C2orf81: variants seen among roughly 807,000 people sequenced by gnomAD.
C2orf81 encodes the protein chromosome 2 open reading frame 81.
C2orf81 carries 5 observed loss-of-function variants against 7.9 expected under a neutral mutation model. The ratio of observed to expected loss-of-function variants is 0.63; its 90% CI spans 0.33 to 1.33. The LOEUF (loss-of-function observed/expected upper bound fraction) is 1.33. Among genes scored for constraint, C2orf81 ranks in the 40% most tolerant of loss-of-function variants. The pLI is 0.05. For missense variants in C2orf81, 781 were observed against 830.4 expected (o/e 0.94, Z 0.73); for synonymous variants, 346 against 367.4 (o/e 0.94, Z 0.66).
At position 74,414,513 on chromosome 2, in the gene C2orf81, T is replaced by G; in HGVS notation, c.1664A>C (p.Gln555Pro). The G allele has an allele frequency of 6.5e-7, 1 of 1,547,578 alleles. No homozygotes were observed. Among genetic ancestry groups the G allele is most frequent in the South Asian group, 1.2e-5 (1 of 83,516 alleles). Reference protein sequence around the residue: ...TTPPVLEATSQVMWKPVLLPE... With the variant: ...TTPPVLEATSPVMWKPVLLPE... Reference sequence around the variant, plus strand: ...CAGCAACACGGGCTTCCACATCACCTGGGAAGTGGCTTCAAGGACCGGGGG... The same window carrying G: ...CAGCAACACGGGCTTCCACATCACCGGGGAAGTGGCTTCAAGGACCGGGGG... The change falls in exon 3 of 3, where the codon CAG (glutamine) becomes CCG (proline). Residue 555 changes from glutamine to proline, a missense_variant. Gln to Pro is a moderately conservative substitution (Grantham distance 76). Transcript: ENST00000684111. This position sits in a 1 kb window ranked among gnomAD's most constrained non-coding sequence, Gnocchi z 5.3.
In C2orf81 at chr2:74,415,756, CG is replaced by C; in HGVS notation, c.420del (p.Val141CysfsTer56). ...CCCTCCGAGGTGGACGCGTGCAGCA[CG>C]GGCACTGAACCCTGAGCCCAGGAGT... ...TTDSWAQGSV[P>X]VLHASTSEGL... On this transcript the variant is annotated frameshift_variant, in exon 3 of 3. Coordinates refer to ENST00000684111, the MANE Select transcript of C2orf81 (RefSeq NM_001316764.3). LOFTEE classifies it low-confidence loss of function (END_TRUNC). The surrounding 1 kb of genome is among the most constrained non-coding windows in gnomAD (Gnocchi z 5.5). 6.4e-7 allele frequency: 1 copy of C among 1,551,610 alleles called. No homozygotes were observed. The highest frequency in any genetic ancestry group is 2.4e-5 in the East Asian group (1 of 40,920).
Position 74,417,216 on chromosome 2 carries a change from T to TG in C2orf81, c.19-976dup, listed in dbSNP as rs897205189. ...ACAAAGGAAAAATGGAACCAGAACC[T>TG]GGGGGGGTGGCAGGAGCAGGAGGGC... On this transcript the variant is annotated intron_variant, in intron 1 of 2. Transcript: ENST00000684111. Among the ~76,000 whole-genome samples, 14 of 152,162 alleles carry TG rather than the reference T, an allele frequency of 9.2e-5. No homozygotes were observed. The East Asian group carries it at 1.2e-3, about 13-fold the overall frequency.
In C2orf81 at chr2:74,414,819, A is replaced by G. The variant is rs1676395362; in HGVS notation, c.1358T>C (p.Leu453Pro). 1 of 1,551,522 alleles carries G rather than the reference A, an allele frequency of 6.4e-7. No homozygotes were observed. Among genetic ancestry groups the G allele is most frequent in the Non-Finnish European group, 8.7e-7 (1 of 1,146,852 alleles). ...FRDLDSGPALLFPTLNLGLSS... is the reference protein window; with the variant it reads ...FRDLDSGPALPFPTLNLGLSS... ...TAGGCCTAAATTTAAAGTGGGGAAC[A>G]GGAGTGCGGGGCCCGAGTCCAAGTC... is the stretch of plus-strand genomic sequence containing the variant. The change falls in exon 3 of 3, where the codon CTG becomes CCG. Residue 453 changes from leucine to proline, a missense_variant. Transcript: ENST00000684111. The surrounding 1 kb of genome is among the most constrained non-coding windows in gnomAD (Gnocchi z 5.3).
Position 74,415,679 on chromosome 2 carries a change from GGAGTCC to G in C2orf81, c.492_497del (p.Asp165_Ser166del). 1.9e-6 allele frequency: 3 copies of G among 1,551,388 alleles called. No individual in the cohort carries two copies. The highest frequency in any genetic ancestry group is 2.6e-6 in the Non-Finnish European group (3 of 1,147,006). The stretch of plus-strand genomic sequence containing the variant: ...AGGGGAGAGCAGGAGCAATGGCAGA[GGAGTCC>G]GGAGAGGCTCCTGAGGAGTGTACTT... On this transcript the variant is annotated inframe_deletion, in exon 3 of 3. Transcript: ENST00000684111. This position sits in a 1 kb window ranked among gnomAD's most constrained non-coding sequence, Gnocchi z 5.5.
chr2:74,417,006 C>A (rs114666384), intron 1 of C2orf81, among the ~76,000 whole-genome samples: 1 of 152,168 alleles, frequency 6.6e-6, no homozygotes, highest in African/African-American at 2.4e-5. Context: ...GGGGAGTAGT[C>A]AGTCACCCAG....
At chr2:74,419,033 T>A (rs891623539) in intron 1 of C2orf81, among the ~76,000 whole-genome samples, 1 of 151,828 alleles carries the variant, frequency 6.6e-6, no homozygotes, top group African/African-American at 2.4e-5. Flanking sequence ...ATACAAAAAT[T>A]AGCCAGGCAT....
In C2orf81 at chr2:74,415,787, C is replaced by T. The variant is rs984356650; in HGVS notation, c.390G>A (p.Thr130=). Residue 130 remains threonine (T), a synonymous_variant, in exon 3 of 3, where the codon ACG becomes ACA. Transcript: ENST00000684111. The surrounding 1 kb of genome is among the most constrained non-coding windows in gnomAD (Gnocchi z 5.5). ...CTGAACCCTGAGCCCAGGAGTCCGT[C>T]GTGCATGCCGAAGGCTCCTCGTCCT... ...WGEDEEPSAC[T]TDSWAQGSVP... 6 of 1,551,642 alleles carry T rather than the reference C, an allele frequency of 3.9e-6. No individual in the cohort carries two copies. Among genetic ancestry groups the T allele is most frequent in the Non-Finnish European group, 5.2e-6 (6 of 1,147,018 alleles).
In C2orf81 at chr2:74,415,633, T is replaced by A. The variant is rs1402216841; in HGVS notation, c.544A>T (p.Ser182Cys). 1.9e-6 allele frequency: 3 copies of A among 1,550,958 alleles called. No homozygotes were observed. The highest frequency in any genetic ancestry group is 2.6e-6 in the Non-Finnish European group (3 of 1,146,988). The change falls in exon 3 of 3, where the codon AGT (serine) becomes TGT (cysteine). Residue 182 changes from serine to cysteine, a missense_variant. Physicochemically the swap from Ser to Cys is moderately radical, Grantham distance 112. Transcript: ENST00000684111. This position sits in a 1 kb window ranked among gnomAD's most constrained non-coding sequence, Gnocchi z 5.5. ...ALPFPTSHCP[S>C]AFPQDPGGVD... ...CCCCCAGGGTCCTGGGGAAATGCAC[T>A]CGGGCAGTGAGATGTCGGAAAGGGG...
Position 74,415,109 on chromosome 2 carries a change from C to T in C2orf81, c.1068G>A (p.Ser356=). The T allele has an allele frequency of 1.3e-6, 2 of 1,521,318 alleles. No homozygotes were observed. The highest frequency in any genetic ancestry group is 5.5e-5 in the East Asian group (2 of 36,202). The allele number at this position is 1,521,318 out of a possible 1,614,324, so 94.2% of individuals were successfully genotyped here. A position where few individuals can be genotyped will look rare whatever the true frequency, so the allele number is the denominator to read the frequency against. The change falls in exon 3 of 3, where the codon TCG becomes TCA. Residue 356 remains serine (S), a synonymous_variant. Coordinates refer to ENST00000684111, the MANE Select transcript of C2orf81 (RefSeq NM_001316764.3). The surrounding 1 kb of genome is among the most constrained non-coding windows in gnomAD (Gnocchi z 5.5). ...ASCQQQRAGH[S]DVRLSAHHHR... is the part of the protein sequence containing the mutation. ...GGTGGTGGGCGCTCAGCCGCACATC[C>T]GAGTGCCCGGCCCGCTGCTGCTGGC...
chr2:74,420,929 G>A (rs1422493366), intron 1 of C2orf81, among the ~76,000 whole-genome samples: 3 of 151,662 alleles, frequency 2.0e-5, no homozygotes, highest in Admixed American at 6.6e-5. Context: ...TACAGGCACC[G>A]CGCCACCACA....
intron 1 of C2orf81, chr2:74,418,672 G>A: frequency 1.9e-6 from 1 of 533,590 alleles, no homozygotes; most frequent in Non-Finnish European, 3.4e-6. Context: ...CACAGCCCCG[G>A]CTCAGGGGAG....
chr2:74,420,717 G>T (rs1424920983), intron 1 of C2orf81, among the ~76,000 whole-genome samples: 2 of 151,556 alleles, frequency 1.3e-5, no homozygotes, highest in Non-Finnish European at 2.9e-5. Context: ...TGACCAGAAG[G>T]GACAGAGATA....
At position 74,415,769 on chromosome 2, in the gene C2orf81, C is replaced by T. The variant is rs1446347545; in HGVS notation, c.408G>A (p.Gln136=). ...ACGCGTGCAGCACGGGCACTGAACC[C>T]TGAGCCCAGGAGTCCGTCGTGCATG... is the stretch of plus-strand genomic sequence containing the variant. ...PSACTTDSWA[Q]GSVPVLHAST... is the part of the protein sequence containing the mutation. The change falls in exon 3 of 3, where the codon CAG becomes CAA. Residue 136 remains glutamine, a synonymous_variant. Coordinates refer to ENST00000684111, the MANE Select transcript of C2orf81 (RefSeq NM_001316764.3). This position sits in a 1 kb window ranked among gnomAD's most constrained non-coding sequence, Gnocchi z 5.5. 3 of 1,551,674 alleles carry T rather than the reference C, an allele frequency of 1.9e-6. No individual in the cohort carries two copies. In the Admixed American group the frequency reaches 5.9e-5, roughly 30 times the overall value.
At chr2:74,416,597 A>T (rs1676477534) in intron 1 of C2orf81, 1 of 160,098 alleles carries the variant, frequency 6.2e-6, no homozygotes, top group Non-Finnish European at 1.4e-5. Context: ...AAAGAAAAAG[A>T]AAAAGAAAGA....
In C2orf81 at chr2:74,415,198, T is replaced by G. The variant is rs1676415509; in HGVS notation, c.979A>C (p.Ile327Leu). 1 of 1,534,608 alleles carries G rather than the reference T, an allele frequency of 6.5e-7. No homozygotes were observed. Among genetic ancestry groups the G allele is most frequent in the South Asian group, 1.2e-5 (1 of 83,458 alleles). ...LELRSEGVPCIASGVLVSYPS... is the reference protein window; with the variant it reads ...LELRSEGVPCLASGVLVSYPS... ...TAGGACACCAACACGCCCGAGGCGA[T>G]GCAGGGCACCCCCTCTGACCTGAGT... The change falls in exon 3 of 3, where the codon ATC becomes CTC. Residue 327 changes from isoleucine (I) to leucine (L), a missense_variant. By Grantham distance (5) the Ile-to-Leu change is conservative (BLOSUM62 2). Transcript: ENST00000684111. This position sits in a 1 kb window ranked among gnomAD's most constrained non-coding sequence, Gnocchi z 5.5.
Position 74,416,205 on chromosome 2 carries a change from G to A in C2orf81, c.55C>T (p.Arg19Trp). The change falls in exon 2 of 3, where the codon CGG becomes TGG. Residue 19 changes from arginine (R) to tryptophan (W), a missense_variant. Physicochemically the swap from Arg to Trp is moderately radical, Grantham distance 101 (BLOSUM62 -3). Transcript: ENST00000684111. ...GGCCGCACTTTTTCCGCCTTGGACCGGGTCACCCCGCGGTCTCGGACCTGC... is the reference window on the plus strand; with the variant it reads ...GGCCGCACTTTTTCCGCCTTGGACCAGGTCACCCCGCGGTCTCGGACCTGC... ...ERQVRDRGVT[R>W]SKAEKVRPPT... The A allele has an allele frequency of 1.4e-6, 2 of 1,419,664 alleles. No individual in the cohort carries two copies. Among genetic ancestry groups the A allele is most frequent in the Non-Finnish European group, 1.9e-6 (2 of 1,066,468 alleles). 87.9% of individuals were successfully genotyped at this position (1,419,664 alleles called of 1,614,324 possible). A position where few individuals can be genotyped will look rare whatever the true frequency, so the allele number is the denominator to read the frequency against.
intron 1 of C2orf81, chr2:74,417,524 A>G (rs1676498930): frequency 8.6e-7 from 1 of 1,160,658 alleles, no homozygotes; most frequent in Non-Finnish European, 1.2e-6. Context: ...GGGCTGTCCA[A>G]CCTAGTGCAG....
In C2orf81 at chr2:74,418,657, A is replaced by C. The variant is rs1215106450; in HGVS notation, c.19-2416T>G. On this transcript the variant is annotated intron_variant, in intron 1 of 2. Transcript: ENST00000684111. The stretch of plus-strand genomic sequence containing the variant: ...AGCCCAGGCTCGGAGTCCCACTTAG[A>C]AGAGCACAGCCCCGGCTCAGGGGAG... 7.1e-6 allele frequency: 4 copies of C among 564,054 alleles called. No homozygotes were observed. The African/African-American group carries it at 7.6e-5, about 11-fold the overall frequency. 34.9% of individuals were successfully genotyped at this position (564,054 alleles called of 1,614,324 possible).
Position 74,416,230 on chromosome 2 carries a change from C to A in C2orf81, c.30G>T (p.Arg10Ser), listed in dbSNP as rs1172782095. MAHEGSRQE[R>S]QVRDRGVTRS... is the part of the protein sequence containing the mutation. ...GGGTCACCCCGCGGTCTCGGACCTG[C>A]CTCTCCTGCCTCTGTGAGAACAAAA... is the stretch of plus-strand genomic sequence containing the variant. Residue 10 changes from arginine to serine, a missense_variant, in exon 2 of 3, where the codon AGG (arginine) becomes AGT (serine). Transcript: ENST00000684111. 1 of 1,372,590 alleles carries A rather than the reference C, an allele frequency of 7.3e-7. No homozygotes were observed. The highest frequency in any genetic ancestry group is 1.2e-5 in the South Asian group (1 of 81,600). The allele number at this position is 1,372,590 out of a possible 1,614,324, so 85.0% of individuals were successfully genotyped here.
Sources: allele counts gnomAD v4.1 joint callset (sites outside exome capture counted in the v4.1 genomes callset), GRCh38; gene constraint gnomAD v4.1.1; non-coding constraint Gnocchi (gnomAD v3.1); transcripts MANE v1.5; gene names NCBI Gene and HGNC (gene_info 2026-07-23, HGNC 2026-07-21).